PTPRT: variants seen among roughly 807,000 people sequenced by gnomAD.
PTPRT encodes receptor-type tyrosine-protein phosphatase T.
In PTPRT, 56 loss-of-function variants were observed where a neutral mutation model predicts 176.8. That is an observed-to-expected ratio of 0.32 (90% CI 0.26 to 0.40). The LOEUF is 0.40. PTPRT is among the 10% of genes least tolerant of loss of function. The pLI is 1.00. For missense variants in PTPRT, 1,540 were observed against 1,908.2 expected, an observed-to-expected ratio of 0.81 and a Z score of 3.60; for synonymous variants, 783 against 739.0, an observed-to-expected ratio of 1.06 and a Z score of -0.96.
chr20:42,445,453 A>G (rs1391779578), intron 9 of PTPRT, among the ~76,000 whole-genome samples: 2 of 152,178 alleles, frequency 1.3e-5, no homozygotes, highest in African/African-American at 4.8e-5. Flanking sequence ...GCTGGGATTC[A>G]GATCTAGGCT....
chr20:43,086,137 C>A (rs1413324268), intron 1 of PTPRT, among the ~76,000 whole-genome samples: 1 of 152,184 alleles, frequency 6.6e-6, no homozygotes, highest in Non-Finnish European at 1.5e-5. Flanking sequence ...CTCAAATGAT[C>A]TTTCCCTGAT....
intron 26 of PTPRT, 61 bp from the exon 27 acceptor site, chr20:42,098,613 G>C (rs1568926989): frequency 6.2e-7 from 1 of 1,600,386 alleles, no homozygotes; most frequent in East Asian, 2.2e-5. Context: ...TTCTGATGAT[G>C]ATGAGGCCTG....
At chr20:42,727,704 T>G (rs982671369) in intron 6 of PTPRT, among the ~76,000 whole-genome samples, 2 of 152,234 alleles carry the variant, frequency 1.3e-5, no homozygotes, top group Admixed American at 1.3e-4. Flanking sequence ...TTATTTTCCC[T>G]GGTCTACTAG....
At chr20:43,143,787 T>G (rs1398989695) in intron 1 of PTPRT, among the ~76,000 whole-genome samples, 1 of 152,128 alleles carries the variant, frequency 6.6e-6, no homozygotes, top group Non-Finnish European at 1.5e-5. Context: ...CAAGGGACCT[T>G]GCTTGATGTG....
chr20:42,553,658 G>A (rs1307463724), intron 7 of PTPRT, among the ~76,000 whole-genome samples: 13 of 151,900 alleles, frequency 8.6e-5, no homozygotes, highest in Non-Finnish European at 2.9e-5. Context: ...CTCCCACACC[G>A]TGACTTTTAC....
intron 12 of PTPRT, among the ~76,000 whole-genome samples, chr20:42,296,129 A>G (rs1224408607): frequency 6.6e-6 from 1 of 152,226 alleles, no homozygotes; most frequent in African/African-American, 2.4e-5. Context: ...ATAGCAAAAG[A>G]TTAAACAAGA....
At chr20:42,685,635 C>A (rs1212936128) in intron 6 of PTPRT, 3 of 152,164 alleles carry the variant, frequency 2.0e-5, no homozygotes, top group African/African-American at 7.2e-5. Context: ...CTTTGCTGAA[C>A]TAAATTCAAC....
intron 1 of PTPRT, among the ~76,000 whole-genome samples, chr20:42,899,911 T>G (rs1176121006): frequency 6.6e-6 from 1 of 152,208 alleles, no homozygotes; most frequent in Non-Finnish European, 1.5e-5. Flanking sequence ...ACAATAATGA[T>G]AGCAGCTTGC....
chr20:42,235,869 A>T (rs1309259088), intron 15 of PTPRT, among the ~76,000 whole-genome samples: 1 of 152,220 alleles, frequency 6.6e-6, no homozygotes, highest in Non-Finnish European at 1.5e-5. Context: ...TGGATTTAGA[A>T]GTTGCTAAGA....
At chr20:42,258,494 T>C (rs574127872) in intron 13 of PTPRT, among the ~76,000 whole-genome samples, 11 of 152,360 alleles carry the variant, frequency 7.2e-5, no homozygotes, top group Admixed American at 2.6e-4. Flanking sequence ...TATTGATATT[T>C]AGCAAACAAA....
chr20:42,041,328 A>G, the PTPRT span, among the ~76,000 whole-genome samples: 4 of 152,224 alleles, frequency 2.6e-5, no homozygotes, highest in Non-Finnish European at 5.9e-5. Flanking sequence ...AGTGCCTGGA[A>G]TAGCAATTGT....
Position 42,625,753 on chromosome 20 carries a change from G to A in PTPRT, c.1153+52113C>T, listed in dbSNP as rs908724030. On this transcript the variant is annotated intron_variant, in intron 7 of 30. Coordinates refer to ENST00000373187, the MANE Select transcript of PTPRT (RefSeq NM_007050.6). ...AATGAGAGAGAAAAACAGTCAACTC[G>A]GAGATCAGGTAATCAGTGATTGATA... 2.0e-5 allele frequency among the ~76,000 whole-genome samples: 3 copies of A among 151,978 alleles called. No homozygotes were observed. The East Asian group carries it at 5.8e-4, about 29-fold the overall frequency.
intron 1 of PTPRT, among the ~76,000 whole-genome samples, chr20:42,933,562 C>A (rs536895683): frequency 1.3e-5 from 2 of 152,280 alleles, no homozygotes; most frequent in African/African-American, 4.8e-5. Context: ...TCACCTCCCC[C>A]AAACCCTTCA....
chr20:42,884,299 G>A (rs2079070105), intron 2 of PTPRT, among the ~76,000 whole-genome samples: 1 of 152,060 alleles, frequency 6.6e-6, no homozygotes, highest in Non-Finnish European at 1.5e-5. Flanking sequence ...TACACCTAAG[G>A]CTTGTATCAA....
chr20:42,757,323 C>T (rs898111070), intron 5 of PTPRT, among the ~76,000 whole-genome samples: 4 of 152,268 alleles, frequency 2.6e-5, no homozygotes, highest in Non-Finnish European at 5.9e-5. Flanking sequence ...TTAGTGAAAA[C>T]CCAGCCCATG....
chr20:42,033,055 A>G, the PTPRT span, among the ~76,000 whole-genome samples: 1 of 152,182 alleles, frequency 6.6e-6, no homozygotes, highest in African/African-American at 2.4e-5. Flanking sequence ...CCACTAGACT[A>G]GAACATGTGA....
intron 7 of PTPRT, among the ~76,000 whole-genome samples, chr20:42,629,267 T>C (rs1244090854): frequency 6.6e-6 from 1 of 152,130 alleles, no homozygotes; most frequent in Admixed American, 6.5e-5. Context: ...AAAGTAGTTC[T>C]GTCTTCTCCA....
intron 1 of PTPRT, among the ~76,000 whole-genome samples, chr20:43,182,051 T>C (rs1372027326): frequency 6.6e-6 from 1 of 152,162 alleles, no homozygotes; most frequent in Admixed American, 6.5e-5. Flanking sequence ...GCACTGTTTT[T>C]TAAAAGTCCT....
intron 4 of PTPRT, among the ~76,000 whole-genome samples, chr20:42,772,988 A>G (rs1473295200): frequency 1.3e-5 from 2 of 152,212 alleles, no homozygotes; most frequent in African/African-American, 2.4e-5. Flanking sequence ...AGACAGAAAC[A>G]AAATTCAATC....
Sources: gnomAD v4.1 joint callset for allele counts (sites outside exome capture counted in the v4.1 genomes callset) on GRCh38, gnomAD v4.1.1 for gene constraint, MANE v1.5 for transcripts, NCBI Gene and HGNC (gene_info 2026-07-23, HGNC 2026-07-21) for gene names.